LEKR1: variants seen among roughly 807,000 people sequenced by gnomAD.
The protein encoded by LEKR1 is leucine, glutamate and lysine rich 1, also known as protein LEKR1.
A neutral mutation model predicts 72.4 loss-of-function variants in LEKR1; 59 were observed. The ratio of observed to expected loss-of-function variants is 0.82; its 90% CI spans 0.66 to 1.01. The LOEUF (loss-of-function observed/expected upper bound fraction) is 1.01, where lower values mean the gene tolerates loss of function less well. Ranked by LOEUF, LEKR1 falls within the 50% of genes least tolerant of loss-of-function variation. The pLI is 0.00. For missense variants in LEKR1, 728 were observed against 759.2 expected (o/e 0.96, Z 0.48); for synonymous variants, 257 against 263.2 (o/e 0.98, Z 0.23).
chr3:156,837,654 A>G (rs1431626920), intron 2 of LEKR1, among the ~76,000 whole-genome samples: 1 of 152,224 alleles, frequency 6.6e-6, no homozygotes, highest in Non-Finnish European at 1.5e-5. Context: ...GAGTGAAACA[A>G]TGTGAATATT....
chr3:156,977,471 C>T (rs537756570), intron 6 of LEKR1: 1 of 459,648 alleles, frequency 2.2e-6, no homozygotes, highest in Non-Finnish European at 4.3e-6. Context: ...CCCCTTGCAA[C>T]AAGCATTGTT....
chr3:157,011,798 T>C (rs1732911688), intron 10 of LEKR1, among the ~76,000 whole-genome samples: 1 of 152,142 alleles, frequency 6.6e-6, no homozygotes, highest in African/African-American at 2.4e-5. Context: ...CCTCATCAAC[T>C]ATCACAATCT....
intron 3 of LEKR1, among the ~76,000 whole-genome samples, chr3:156,898,681 C>G (rs1432054266): frequency 1.3e-5 from 2 of 152,110 alleles, no homozygotes; most frequent in East Asian, 1.9e-4. Context: ...AAACCCAAAA[C>G]TATTATTTCC....
intron 5 of LEKR1, among the ~76,000 whole-genome samples, chr3:156,940,067 A>G (rs1053336753): frequency 6.6e-6 from 1 of 152,166 alleles, no homozygotes; most frequent in Non-Finnish European, 1.5e-5. Context: ...AGATAAACAC[A>G]TATTCAGGAT....
At chr3:156,883,285 C>A (rs1438355260) in intron 3 of LEKR1, among the ~76,000 whole-genome samples, 2 of 152,158 alleles carry the variant, frequency 1.3e-5, no homozygotes, top group Non-Finnish European at 2.9e-5. Flanking sequence ...ACCCAAATGC[C>A]TGCACCCCCA....
At chr3:156,899,543 T>C (rs1378927908) in intron 3 of LEKR1, among the ~76,000 whole-genome samples, 3 of 138,098 alleles carry the variant, frequency 2.2e-5, no homozygotes, top group East Asian at 4.0e-4. Context: ...CATATATACA[T>C]ATATACACAT....
intron 5 of LEKR1, among the ~76,000 whole-genome samples, chr3:156,941,850 A>G (rs1368862072): frequency 6.6e-6 from 1 of 152,126 alleles, no homozygotes; most frequent in Non-Finnish European, 1.5e-5. Context: ...AATATGCTCC[A>G]TGCATTTCTC....
At chr3:156,920,723 G>A in intron 4 of LEKR1, 29 bp downstream of exon 4, 2 of 1,193,134 alleles carry the variant, frequency 1.7e-6, no homozygotes, top group Non-Finnish European at 2.3e-6. Context: ...AAATTATAAA[G>A]ATTGAAAAGA....
intron 3 of LEKR1, among the ~76,000 whole-genome samples, chr3:156,906,173 A>G (rs529355914): frequency 2.6e-5 from 4 of 152,262 alleles, no homozygotes; most frequent in African/African-American, 9.6e-5. Context: ...GAGGGAAGTT[A>G]AAAGGGAGTT....
Position 157,006,920 on chromosome 3 carries a change from G to A in LEKR1, c.1110-4493G>A, listed in dbSNP as rs560220114. ...CAGGAGTGATGGATTACAAAGAGGC[G>A]GATGGGCACGGCGGCTCACGCCTGT... On this transcript the variant is annotated intron_variant, in intron 9 of 12. Coordinates refer to ENST00000356539, the MANE Select transcript of LEKR1 (RefSeq NM_001004316.3). Among the ~76,000 whole-genome samples the A allele has an allele frequency of 1.5e-3, 234 of 152,330 alleles. 1 individual carries two copies. The highest frequency in any genetic ancestry group is 2.3e-3 in the Non-Finnish European group (157 of 68,030).
At chr3:156,839,464 T>A (rs1420162142) in intron 2 of LEKR1, among the ~76,000 whole-genome samples, 3 of 152,202 alleles carry the variant, frequency 2.0e-5, no homozygotes, top group Non-Finnish European at 4.4e-5. Context: ...TAGAGAAAAC[T>A]GTCCAGACGT....
intron 3 of LEKR1, among the ~76,000 whole-genome samples, chr3:156,891,388 C>T (rs1286639063): frequency 5.3e-5 from 8 of 152,102 alleles, no homozygotes; most frequent in Non-Finnish European, 1.2e-4. Context: ...AGGTTCAATA[C>T]TGTCTAGTTT....
At position 156,920,572 on chromosome 3, in the gene LEKR1, T is replaced by A. The variant is rs1179463219; in HGVS notation, c.264-3T>A. 11 of 1,450,256 alleles carry A rather than the reference T, an allele frequency of 7.6e-6. No homozygotes were observed. Among genetic ancestry groups the A allele is most frequent in the Non-Finnish European group, 1.8e-6 (2 of 1,081,816 alleles). 89.8% of individuals were successfully genotyped at this position (1,450,256 alleles called of 1,614,324 possible). ...CTTAAGGAATGTTTGTTTATATTTT[T>A]AGAATTTACGATGTAGGCATGCAGT... On this transcript the variant is annotated splice_region_variant and splice_polypyrimidine_tract_variant and intron_variant, in intron 3 of 12. Coordinates refer to ENST00000356539, the MANE Select transcript of LEKR1 (RefSeq NM_001004316.3).
rs368970385 is a variant in LEKR1 at position 157,005,790 on chromosome 3, A to T, written c.1110-5623A>T. On this transcript the variant is annotated intron_variant, in intron 9 of 12. Coordinates refer to ENST00000356539, the MANE Select transcript of LEKR1 (RefSeq NM_001004316.3). ...AATAATATATTTGCAAAGGATCTATATAATAAAGGAGTTTTTCTATAATAT... is the reference window on the plus strand; with the variant it reads ...AATAATATATTTGCAAAGGATCTATTTAATAAAGGAGTTTTTCTATAATAT... Among the ~76,000 whole-genome samples, 24 of 152,322 alleles carry T rather than the reference A, an allele frequency of 1.6e-4. No individual in the cohort carries two copies. The South Asian group carries it at 3.9e-3, about 25-fold the overall frequency.
intron 7 of LEKR1, chr3:156,979,636 C>G (rs559338693): frequency 1.3e-3 from 203 of 156,428 alleles, no homozygotes; most frequent in African/African-American, 4.7e-3. Flanking sequence ...TATCTCTCCA[C>G]AAGAAACAAT....
intron 3 of LEKR1, among the ~76,000 whole-genome samples, chr3:156,876,112 T>C (rs1339355470): frequency 1.3e-5 from 2 of 152,140 alleles, no homozygotes; most frequent in Admixed American, 1.3e-4. Flanking sequence ...TTTGGTTTTG[T>C]TTTTTATTGT....
intron 6 of LEKR1, among the ~76,000 whole-genome samples, chr3:156,970,470 G>A (rs1244699086): frequency 6.6e-6 from 1 of 151,886 alleles, no homozygotes; most frequent in Non-Finnish European, 1.5e-5. Flanking sequence ...TAGGTCTAAC[G>A]TTTAAGTCTT....
Position 157,028,370 on chromosome 3 carries a change from C to T in LEKR1, c.1636C>T (p.Leu546=). 6.2e-7 allele frequency: 1 copy of T among 1,608,712 alleles called. No individual in the cohort carries two copies. Among genetic ancestry groups the T allele is most frequent in the Non-Finnish European group, 8.5e-7 (1 of 1,177,378 alleles). Reference sequence around the variant, plus strand: ...AAGAGTAATGCTGGCTCAAACACAACTGATAGAGCAATTTAACCAGTCCCA... The same window carrying T: ...AAGAGTAATGCTGGCTCAAACACAATTGATAGAGCAATTTAACCAGTCCCA... The part of the protein sequence containing the change: ...LKRVMLAQTQ[L]IEQFNQSQEE... Residue 546 remains leucine (L), a synonymous_variant, in exon 12 of 13, where the codon CTG becomes TTG. Coordinates refer to ENST00000356539, the MANE Select transcript of LEKR1 (RefSeq NM_001004316.3).
rs1397592829 is a variant in LEKR1 at position 157,045,642 on chromosome 3, C to G, written c.1971C>G (p.Gly657=). ...ATAAGCCGAAGAGGGTTAGATCAGG[C>G]GTGCCCATTCTCCCCCAGCCACATC... ...TSDKPKRVRS[G]VPILPQPHPP... is the part of the protein sequence containing the mutation. Residue 657 remains glycine (G), a synonymous_variant, in exon 13 of 13, where the codon GGC becomes GGG. Transcript: ENST00000356539. 1.9e-6 allele frequency: 3 copies of G among 1,614,096 alleles called. No individual in the cohort carries two copies. Among genetic ancestry groups the G allele is most frequent in the Middle Eastern group, 1.6e-4 (1 of 6,062 alleles).
Sources: allele counts gnomAD v4.1 joint callset (sites outside exome capture counted in the v4.1 genomes callset), GRCh38; gene constraint gnomAD v4.1.1; transcripts MANE v1.5; gene names NCBI Gene and HGNC (gene_info 2026-07-23, HGNC 2026-07-21).